Variants in IQSEC1 observed in about 807,000 individuals in gnomAD.
IQSEC1 encodes the protein IQ motif and Sec7 domain ArfGEF 1.
In IQSEC1, 31 loss-of-function variants were observed where a neutral mutation model predicts 91.0. The ratio of observed to expected loss-of-function variants is 0.34; its 90% CI spans 0.26 to 0.46. The LOEUF (loss-of-function observed/expected upper bound fraction) is 0.46. IQSEC1 is among the 20% of genes least tolerant of loss of function. IQSEC1 has a pLI of 1.00. For synonymous variants in IQSEC1, 699 were observed against 662.6 expected, an observed-to-expected ratio of 1.05 and a Z score of -0.84; for missense variants, 1,388 against 1,575.6, an observed-to-expected ratio of 0.88 and a Z score of 2.02.
At chr3:13,037,408 A>G (rs1704076600) in intron 1 of IQSEC1, among the ~76,000 whole-genome samples, 2 of 152,246 alleles carry the variant, frequency 1.3e-5, no homozygotes, top group Admixed American at 6.5e-5. Context: ...AGAACAGGAG[A>G]GCAGATACTT....
At chr3:13,127,568 A>G (rs372647451) in intron 2 of IQSEC1, among the ~76,000 whole-genome samples, 1 of 151,510 alleles carries the variant, frequency 6.6e-6, no homozygotes, top group Non-Finnish European at 1.5e-5. Context: ...GAGTCCTCCT[A>G]TTTATTTTTC....
At chr3:13,275,673 C>T (rs1296350899) in intron 1 of IQSEC1, among the ~76,000 whole-genome samples, 1 of 152,262 alleles carries the variant, frequency 6.6e-6, no homozygotes, top group East Asian at 1.9e-4. Context: ...TGGGGCTGCA[C>T]ACCACTTGGC....
intron 3 of IQSEC1, among the ~76,000 whole-genome samples, chr3:12,927,578 G>T (rs1443837961): frequency 6.6e-6 from 1 of 152,200 alleles, no homozygotes; most frequent in African/African-American, 2.4e-5. Context: ...CTCTGATGTG[G>T]ATGTGCCACA....
intron 2 of IQSEC1, among the ~76,000 whole-genome samples, chr3:13,124,538 C>A (rs1706479121): frequency 6.6e-6 from 1 of 152,208 alleles, no homozygotes; most frequent in East Asian, 1.9e-4. Context: ...AGTAGCTGTT[C>A]ATCCGTGATG....
intron 1 of IQSEC1, among the ~76,000 whole-genome samples, chr3:12,951,691 G>C (rs1699560123): frequency 6.6e-6 from 1 of 152,132 alleles, no homozygotes; most frequent in Non-Finnish European, 1.5e-5. Flanking sequence ...TCCTTCCTAG[G>C]GAGCAGTAGG....
chr3:13,073,229 G>A lies in IQSEC1; in HGVS notation c.-215C>T, dbSNP rs533568889. ...AGCGGGCTGTGGAGGGCCCTGGCAC[G>A]TAGCGCGCGCTCACACCGTGCCCAG... is the stretch of plus-strand genomic sequence containing the variant. On this transcript the variant is annotated 5_prime_UTR_variant, in exon 1 of 14. In the 5' UTR this introduces an upstream ATG that the reference lacks. Transcript: ENST00000613206. 1.5e-4 allele frequency: 92 copies of A among 612,988 alleles called. No individual in the cohort carries two copies. The highest frequency in any genetic ancestry group is 1.3e-3 in the African/African-American group (72 of 53,954). The allele number at this position is 612,988 out of a possible 1,614,324, so 38.0% of individuals were successfully genotyped here.
intron 1 of IQSEC1, among the ~76,000 whole-genome samples, chr3:13,223,609 C>T (rs150413976): frequency 1.1e-3 from 175 of 152,316 alleles, no homozygotes; most frequent in Non-Finnish European, 1.8e-3. Flanking sequence ...GGTCCTCGCG[C>T]GCCCACCTTC....
At position 12,935,924 on chromosome 3, in the gene IQSEC1, C is replaced by T. The variant is rs774268347; in HGVS notation, c.1092G>A (p.Pro364=). 2.1e-5 allele frequency: 33 copies of T among 1,599,892 alleles called. No individual in the cohort carries two copies. The highest frequency in any genetic ancestry group is 2.3e-5 in the Non-Finnish European group (27 of 1,179,392). ...QEQRLRVEHL[P]LLTIEPPSDS... is the part of the protein sequence containing the mutation. ...CGCTGGGTGGCTCGATGGTGAGCAG[C>T]GGCAGATGCTCCACCCGCAGCCGCT... Residue 364 remains proline (P), a synonymous_variant, in exon 3 of 14, where the codon CCG becomes CCA. Transcript: ENST00000613206. The surrounding 1 kb of genome is among the most constrained non-coding windows in gnomAD (Gnocchi z 8.0).
rs1197160505 is a variant in IQSEC1 at position 12,908,216 on chromosome 3, G to A, written c.2755+133C>T. 1.0e-5 allele frequency: 9 copies of A among 888,926 alleles called. No individual in the cohort carries two copies. Among genetic ancestry groups the A allele is most frequent in the African/African-American group, 3.4e-5 (2 of 59,574 alleles). 55.1% of individuals were successfully genotyped at this position (888,926 alleles called of 1,614,324 possible). A position where few individuals can be genotyped will look rare whatever the true frequency, so the allele number is the denominator to read the frequency against. On this transcript the variant is annotated intron_variant, in intron 12 of 13. Coordinates refer to ENST00000613206, the MANE Select transcript of IQSEC1 (RefSeq NM_001134382.3). The surrounding 1 kb of genome is among the most constrained non-coding windows in gnomAD (Gnocchi z 4.9). ...TATGTCACACGCTGCTCTGCTTTGCGGAAGGTCAGGGGAAATGCCGCACTG... is the reference window on the plus strand; with the variant it reads ...TATGTCACACGCTGCTCTGCTTTGCAGAAGGTCAGGGGAAATGCCGCACTG...
Position 12,936,113 on chromosome 3 carries a change from A to T in IQSEC1, c.903T>A (p.Pro301=). 1 of 1,611,534 alleles carries T rather than the reference A, an allele frequency of 6.2e-7. No homozygotes were observed. Among genetic ancestry groups the T allele is most frequent in the Non-Finnish European group, 8.5e-7 (1 of 1,179,778 alleles). ...GGTCCCCTGCCTGCGAGAGGGGCAG[A>T]GGGGGCGACAGCTCCTCCTCATCGA... ...LYIDEEELSP[P]LPLSQAGDRP... is the part of the protein sequence containing the mutation. Residue 301 remains proline, a synonymous_variant, in exon 3 of 14, where the codon CCT becomes CCA. Coordinates refer to ENST00000613206, the MANE Select transcript of IQSEC1 (RefSeq NM_001134382.3).
chr3:12,902,670 C>CAAAAAAAAAAAAAAAAAA (rs1213830618), intron 13 of IQSEC1, 103 bp downstream of exon 13: 10 of 192,650 alleles, frequency 5.2e-5, no homozygotes, highest in South Asian at 1.0e-4. Context: ...AAAAAAAAAC[C>CAAAAAAAAAAAAAAAAAA]AAAAAAAAAA....
Position 12,967,192 on chromosome 3 carries a change from T to G in IQSEC1, c.24-25327A>C, listed in dbSNP as rs1700632391. Among the ~76,000 whole-genome samples, 1 of 151,910 alleles carries G rather than the reference T, an allele frequency of 6.6e-6. No homozygotes were observed. The highest frequency in any genetic ancestry group is 6.5e-5 in the Admixed American group (1 of 15,276). Reference sequence around the variant, plus strand: ...GCGTCTCTCTCTCCCACGCACAAACTCGGGTCCTGTTTGCTCTTCTCTCAC... The same window carrying G: ...GCGTCTCTCTCTCCCACGCACAAACGCGGGTCCTGTTTGCTCTTCTCTCAC... On this transcript the variant is annotated intron_variant, in intron 1 of 13. Coordinates refer to ENST00000613206, the MANE Select transcript of IQSEC1 (RefSeq NM_001134382.3). The surrounding 1 kb of genome is among the most constrained non-coding windows in gnomAD (Gnocchi z 5.9).
chr3:12,959,682 G>C (rs1185350675), intron 1 of IQSEC1, among the ~76,000 whole-genome samples: 1 of 152,172 alleles, frequency 6.6e-6, no homozygotes, highest in African/African-American at 2.4e-5. Context: ...CTTTTCCAAG[G>C]CTAGAAATGA....
chr3:13,060,986 G>A (rs1221046727), intron 1 of IQSEC1, among the ~76,000 whole-genome samples: 1 of 152,164 alleles, frequency 6.6e-6, no homozygotes, highest in Non-Finnish European at 1.5e-5. Flanking sequence ...CTGCCTCCAG[G>A]GTAGTTCCCA....
intron 1 of IQSEC1, among the ~76,000 whole-genome samples, chr3:13,219,885 A>G (rs1694624681): frequency 6.6e-6 from 1 of 152,244 alleles, no homozygotes; most frequent in Admixed American, 6.5e-5. Context: ...TGCTGCCCAC[A>G]ATATCCAGAG....
chr3:12,981,098 C>T (rs1701432825), intron 1 of IQSEC1, among the ~76,000 whole-genome samples: 1 of 152,206 alleles, frequency 6.6e-6, no homozygotes, highest in Admixed American at 6.5e-5. Flanking sequence ...CGAGGCCCCA[C>T]AGCAGCCACT....
At chr3:13,032,600 T>C (rs1703884884) in intron 1 of IQSEC1, among the ~76,000 whole-genome samples, 1 of 142,086 alleles carries the variant, frequency 7.0e-6, no homozygotes, top group Non-Finnish European at 1.5e-5. Flanking sequence ...TTTTTTTTTT[T>C]TGAGATGGAG....
Position 13,041,917 on chromosome 3 carries a change from C to T in IQSEC1, c.23+31075G>A, listed in dbSNP as rs112384886. ...GGAGGAGGCAGGCCAACCCTTGAGTCATCCAGCCCACGAGGTCGGAGCAAG... is the reference window on the plus strand; with the variant it reads ...GGAGGAGGCAGGCCAACCCTTGAGTTATCCAGCCCACGAGGTCGGAGCAAG... On this transcript the variant is annotated intron_variant, in intron 1 of 13. Coordinates refer to ENST00000613206, the MANE Select transcript of IQSEC1 (RefSeq NM_001134382.3). 5.2e-3 allele frequency among the ~76,000 whole-genome samples: 796 copies of T among 152,336 alleles called. 11 individuals carry two copies. The highest frequency in any genetic ancestry group is 0.024 in the Admixed American group (365 of 15,302).
chr3:12,956,102 C>T (rs1400168894), intron 1 of IQSEC1, among the ~76,000 whole-genome samples: 1 of 152,192 alleles, frequency 6.6e-6, no homozygotes, highest in Non-Finnish European at 1.5e-5. Flanking sequence ...TCAGACAAAG[C>T]GAGGTGGCAG....
Sources: allele counts gnomAD v4.1 joint callset (sites outside exome capture counted in the v4.1 genomes callset), GRCh38; gene constraint gnomAD v4.1.1; non-coding constraint Gnocchi (gnomAD v3.1); transcripts MANE v1.5; gene names NCBI Gene and HGNC (gene_info 2026-07-23, HGNC 2026-07-21).